LRRIQ1: variants seen among roughly 807,000 people sequenced by gnomAD.
LRRIQ1 encodes leucine-rich repeat- and IQ domain-containing protein 1.
LRRIQ1 carries 210 observed loss-of-function variants against 211.9 expected under a neutral mutation model. The ratio of observed to expected loss-of-function variants is 0.99; its 90% CI spans 0.89 to 1.11. The LOEUF is 1.11. Ranked by LOEUF, LRRIQ1 falls within the 50% of genes most tolerant of loss-of-function variation. LRRIQ1 has a pLI of 0.00. For synonymous variants in LRRIQ1, 699 were observed against 650.1 expected, an observed-to-expected ratio of 1.08 and a Z score of -1.14; for missense variants, 2,136 against 1,939.5, an observed-to-expected ratio of 1.10 and a Z score of -1.90.
chr12:85,197,597 A>G (rs1214237202), intron 24 of LRRIQ1, among the ~76,000 whole-genome samples: 1 of 151,170 alleles, frequency 6.6e-6, no homozygotes, highest in Non-Finnish European at 1.5e-5. Flanking sequence ...CAAACACCAC[A>G]TATTCTCACT....
rs556410571 is a variant in LRRIQ1 at position 85,217,684 on chromosome 12, A to G, written c.4823-11833A>G. Among the ~76,000 whole-genome samples the G allele has an allele frequency of 8.6e-5, 12 of 139,956 alleles. No homozygotes were observed. In the East Asian group the frequency reaches 2.2e-3, roughly 25 times the overall value. 91.8% of individuals were successfully genotyped at this position (139,956 alleles called of 152,430 possible). On this transcript the variant is annotated intron_variant, in intron 24 of 26. Coordinates refer to ENST00000393217, the MANE Select transcript of LRRIQ1 (RefSeq NM_001079910.2). ...TATGTATATATGTGTATATATGTAT[A>G]TATGTGTATATATGTATATATGTGT...
chr12:85,269,372 G>T (rs535295211), downstream of LRRIQ1, among the ~76,000 whole-genome samples: 2 of 151,964 alleles, frequency 1.3e-5, no homozygotes, highest in Non-Finnish European at 2.9e-5. Flanking sequence ...GACATGGTTA[G>T]GGGAAATGGT....
intron 17 of LRRIQ1, among the ~76,000 whole-genome samples, chr12:85,125,984 T>C (rs1888347861): frequency 6.6e-6 from 1 of 152,182 alleles, no homozygotes; most frequent in African/African-American, 2.4e-5. Flanking sequence ...CTGCCAATTG[T>C]ATAAGAGTTT....
chr12:85,061,078 A>G (rs1040959473), intron 8 of LRRIQ1, among the ~76,000 whole-genome samples: 5 of 151,904 alleles, frequency 3.3e-5, no homozygotes, highest in Non-Finnish European at 1.5e-5. Flanking sequence ...AGAAAAAGGA[A>G]GTAAAGTATG....
Position 85,037,050 on chromosome 12 carries a change from A to G in LRRIQ1, c.-25+643A>G, listed in dbSNP as rs987436425. On this transcript the variant is annotated intron_variant, in intron 1 of 26. Transcript: ENST00000393217. ...TAAAACACACAACAGATTTCTAAGA[A>G]TTACTGTCCAAAGAAAGAATATAAA... Among the ~76,000 whole-genome samples, 4 of 152,198 alleles carry G rather than the reference A, an allele frequency of 2.6e-5. No homozygotes were observed. The East Asian group carries it at 7.7e-4, about 29-fold the overall frequency.
intron 10 of LRRIQ1, among the ~76,000 whole-genome samples, chr12:85,068,891 A>C (rs1013720494): frequency 6.6e-6 from 1 of 151,148 alleles, no homozygotes; most frequent in Non-Finnish European, 1.5e-5. Flanking sequence ...AGTTTCAATG[A>C]AATTGTTTCA....
chr12:85,124,176 A>G lies in LRRIQ1; in HGVS notation c.3664A>G (p.Ile1222Val). ...TGCACACGAACGAGGGGATGTAACT[A>G]TCACCAAGAAAGATGAATCAGAAGC... Reference protein sequence around the residue: ...RHAHERGDVTITKKDESEAQK... With the variant: ...RHAHERGDVTVTKKDESEAQK... Residue 1222 changes from isoleucine to valine, a missense_variant, in exon 17 of 27, where the codon ATC becomes GTC. Transcript: ENST00000393217. The G allele has an allele frequency of 1.2e-6, 2 of 1,614,138 alleles. No individual in the cohort carries two copies. The highest frequency in any genetic ancestry group is 1.7e-6 in the Non-Finnish European group (2 of 1,180,022).
At chr12:85,086,356 G>A (rs1203754269) in intron 11 of LRRIQ1, among the ~76,000 whole-genome samples, 1 of 152,046 alleles carries the variant, frequency 6.6e-6, no homozygotes, top group Admixed American at 6.6e-5. Context: ...GCATGGTGTT[G>A]TCTTCTGGAT....
At chr12:85,085,555 A>G (rs1267051456) in intron 11 of LRRIQ1, among the ~76,000 whole-genome samples, 2 of 152,184 alleles carry the variant, frequency 1.3e-5, no homozygotes, top group African/African-American at 2.4e-5. Context: ...TGAGCATAGT[A>G]TCCAATAGGT....
At chr12:85,139,327 A>AT (rs1422835469) in intron 19 of LRRIQ1, among the ~76,000 whole-genome samples, 5 of 151,482 alleles carry the variant, frequency 3.3e-5, no homozygotes, top group African/African-American at 1.2e-4. Context: ...GAATACATTT[A>AT]TTGTATCTTA....
intron 11 of LRRIQ1, among the ~76,000 whole-genome samples, chr12:85,080,661 A>G (rs1884184770): frequency 6.8e-6 from 1 of 146,708 alleles, no homozygotes; most frequent in South Asian, 2.1e-4. Context: ...TGGTTTTAGA[A>G]TTTTTACTTG....
At chr12:85,088,193 T>G (rs865891790) in intron 11 of LRRIQ1, among the ~76,000 whole-genome samples, 20 of 152,336 alleles carry the variant, frequency 1.3e-4, no homozygotes, top group African/African-American at 3.8e-4. Flanking sequence ...CACCATTTAT[T>G]AAATAGGGAA....
chr12:85,264,035 CA>C (rs1896370698), exon 2 of LRRIQ1: 1 of 151,952 alleles, frequency 6.6e-6, no homozygotes, highest in Non-Finnish European at 1.5e-5. Context: ...CTGTGTTGCT[CA>C]ATAATAGCAT....
intron 24 of LRRIQ1, among the ~76,000 whole-genome samples, chr12:85,192,797 A>G (rs1224945405): frequency 9.5e-6 from 1 of 105,688 alleles, no homozygotes; most frequent in Non-Finnish European, 1.7e-5. Flanking sequence ...ATATATAGTT[A>G]TATACTATAA....
intron 11 of LRRIQ1, among the ~76,000 whole-genome samples, chr12:85,095,606 A>G (rs963183281): frequency 6.6e-6 from 1 of 151,886 alleles, no homozygotes; most frequent in Admixed American, 6.6e-5. Flanking sequence ...TCACTGCCAG[A>G]TTTTGGTATT....
chr12:85,144,796 A>G (rs1889778436), intron 19 of LRRIQ1, among the ~76,000 whole-genome samples: 3 of 151,814 alleles, frequency 2.0e-5, no homozygotes, highest in South Asian at 2.1e-4. Context: ...AATATTGTTC[A>G]TATTTTAAGT....
At chr12:85,247,158 C>T (rs532898238), downstream of LRRIQ1, among the ~76,000 whole-genome samples, 3 of 151,658 alleles carry the variant, frequency 2.0e-5, no homozygotes, top group East Asian at 3.9e-4. Flanking sequence ...AAAAAACCTA[C>T]TCTTAGTTGC....
intron 11 of LRRIQ1, among the ~76,000 whole-genome samples, chr12:85,081,015 G>T (rs1884225915): frequency 6.6e-6 from 1 of 151,930 alleles, no homozygotes. Context: ...TCTATACATT[G>T]GTATTGAGAT....
chr12:85,204,175 T>A (rs1046094474), intron 24 of LRRIQ1, among the ~76,000 whole-genome samples: 2 of 152,192 alleles, frequency 1.3e-5, no homozygotes, highest in African/African-American at 4.8e-5. Flanking sequence ...CTTGGCAGCT[T>A]CCACATGGTG....
Sources: allele counts gnomAD v4.1 joint callset (sites outside exome capture counted in the v4.1 genomes callset), GRCh38; gene constraint gnomAD v4.1.1; transcripts MANE v1.5; gene names NCBI Gene and HGNC (gene_info 2026-07-23, HGNC 2026-07-21).